Variants in RYR2 observed in about 807,000 individuals in gnomAD.
RYR2 encodes ryanodine receptor 2.
RYR2 carries 227 observed loss-of-function variants against 601.1 expected under a neutral mutation model. That is an observed-to-expected ratio of 0.38 (90% confidence interval 0.34 to 0.42). The LOEUF is 0.42. Among genes scored for constraint, RYR2 ranks in the 10% least tolerant of loss-of-function variants. RYR2 has a pLI of 1.00. For synonymous variants in RYR2, 2,223 were observed against 2,175.1 expected (o/e 1.02, Z -0.61); for missense variants, 4,646 against 6,156.5 (o/e 0.75, Z 8.21).
At chr1:237,285,094 C>T (rs1691400467) in intron 2 of RYR2, among the ~76,000 whole-genome samples, 1 of 152,082 alleles carries the variant, frequency 6.6e-6, no homozygotes, top group Non-Finnish European at 1.5e-5. Flanking sequence ...AGGTGGGCAT[C>T]CCTGTCTTGT....
chr1:237,726,766 A>G (rs1302547603), intron 75 of RYR2, among the ~76,000 whole-genome samples: 1 of 152,128 alleles, frequency 6.6e-6, no homozygotes, highest in Non-Finnish European at 1.5e-5. Flanking sequence ...AAATGATTTT[A>G]TATGGAATGA....
At chr1:237,157,889 A>G (rs1026521243) in intron 1 of RYR2, among the ~76,000 whole-genome samples, 10 of 152,220 alleles carry the variant, frequency 6.6e-5, no homozygotes. Flanking sequence ...GAAGATTTGG[A>G]ATGTGCCCAA....
chr1:237,509,885 AG>A (rs1442516965), intron 23 of RYR2, among the ~76,000 whole-genome samples: 1 of 152,218 alleles, frequency 6.6e-6, no homozygotes, highest in Non-Finnish European at 1.5e-5. Flanking sequence ...TGTAAAAGCG[AG>A]GAGGCAGAAG....
chr1:237,792,368 T>TGTGTGCGCGCGC lies in RYR2; in HGVS notation c.13782+50_13782+51insCGCGCGCGTGTG, dbSNP rs765876813. On this transcript the variant is annotated intron_variant, in intron 94 of 104. Transcript: ENST00000366574. ...AGGTACCTGTGTGTGTGTGTGTGTG[T>TGTGTGCGCGCGC]GTGTGTGTGTGTGCGTGTGTGTGTG... The TGTGTGCGCGCGC allele has an allele frequency of 9.4e-5, 87 of 928,540 alleles. No individual in the cohort carries two copies. The South Asian group carries it at 1.1e-3, about 12-fold the overall frequency. 57.5% of individuals were successfully genotyped at this position (928,540 alleles called of 1,614,324 possible).
At chr1:237,064,627 A>G (rs892851869) in intron 1 of RYR2, among the ~76,000 whole-genome samples, 3 of 151,834 alleles carry the variant, frequency 2.0e-5, no homozygotes, top group African/African-American at 7.3e-5. Flanking sequence ...CAGGCACATC[A>G]TTGTCATCTC....
intron 12 of RYR2, among the ~76,000 whole-genome samples, chr1:237,424,659 A>G (rs970432588): frequency 6.6e-6 from 1 of 152,238 alleles, no homozygotes; most frequent in African/African-American, 2.4e-5. Context: ...TCTATATGTT[A>G]GGTAAAATCT....
intron 38 of RYR2, among the ~76,000 whole-genome samples, chr1:237,622,431 C>G (rs1679171929): frequency 6.6e-6 from 1 of 152,122 alleles, no homozygotes; most frequent in Admixed American, 6.5e-5. Flanking sequence ...TTATTTCATG[C>G]ACAAAATTAT....
Position 237,493,068 on chromosome 1 carries a change from C to T in RYR2, c.1942C>T (p.Leu648Phe), listed in dbSNP as rs1663592875. The change falls in exon 19 of 105, where the codon CTT becomes TTT. Residue 648 changes from leucine (L) to phenylalanine (F), a missense_variant. This residue lies in a region of RYR2 where 1,807 missense variants were observed against 2,088.1 expected (regional missense o/e 0.87). Transcript: ENST00000366574. ...PGRDLLLQTR[L>F]VNHVSSMRPN... ...AAGAGACTTGTTATTGCAGACACGT[C>T]TTGTGAACCATGTCAGCAGGTAAAT... is the stretch of plus-strand genomic sequence containing the variant. The T allele has an allele frequency of 6.2e-7, 1 of 1,613,650 alleles. No homozygotes were observed. Among genetic ancestry groups the T allele is most frequent in the Non-Finnish European group, 8.5e-7 (1 of 1,179,784 alleles).
intron 79 of RYR2, among the ~76,000 whole-genome samples, chr1:237,735,630 GA>G (rs1306855969): frequency 6.6e-6 from 1 of 152,120 alleles, no homozygotes; most frequent in Non-Finnish European, 1.5e-5. Flanking sequence ...ATTCATGGGG[GA>G]TTGGTCCCAG....
chr1:237,550,678 A>G lies in RYR2; in HGVS notation c.3201A>G (p.Pro1067=). 6.4e-7 allele frequency: 1 copy of G among 1,553,914 alleles called. No individual in the cohort carries two copies. The highest frequency in any genetic ancestry group is 8.7e-7 in the Non-Finnish European group (1 of 1,149,108). ...GGTACGGCTACAACTTGGAAGCACC[A>G]GATCAAGATCATGGTATTTTGGTTT... is the stretch of plus-strand genomic sequence containing the variant. ...LLGYGYNLEA[P]DQDHAARAEV... The change falls in exon 27 of 105, where the codon CCA becomes CCG. Residue 1067 remains proline (P), a synonymous_variant. Transcript: ENST00000366574.
At chr1:237,276,648 T>A (rs947234382) in intron 2 of RYR2, among the ~76,000 whole-genome samples, 1 of 152,112 alleles carries the variant, frequency 6.6e-6, no homozygotes, top group African/African-American at 2.4e-5. Context: ...ACATATGAGT[T>A]GGAAGGGGAT....
chr1:237,667,302 T>A (rs1460009312), intron 57 of RYR2, among the ~76,000 whole-genome samples: 1 of 152,228 alleles, frequency 6.6e-6, no homozygotes, highest in Non-Finnish European at 1.5e-5. Context: ...TTACATATTG[T>A]TAAATTGTTT....
chr1:237,436,606 C>T (rs540492541), intron 12 of RYR2, among the ~76,000 whole-genome samples: 21 of 150,308 alleles, frequency 1.4e-4, no homozygotes, highest in Admixed American at 1.0e-3. Context: ...CAGTGCGGCA[C>T]CATAAAGGAG....
chr1:237,105,478 C>T (rs1235718969), intron 1 of RYR2, among the ~76,000 whole-genome samples: 2 of 152,084 alleles, frequency 1.3e-5, no homozygotes, highest in East Asian at 3.9e-4. Flanking sequence ...GGGCAGGTCA[C>T]TTGAAGTCAG....
At chr1:237,417,596 A>G (rs1705144537) in intron 11 of RYR2, among the ~76,000 whole-genome samples, 1 of 152,206 alleles carries the variant, frequency 6.6e-6, no homozygotes, top group African/African-American at 2.4e-5. Context: ...GGAAGTCACT[A>G]TATTTACTTA....
At chr1:237,764,656 A>G (rs890594743) in intron 84 of RYR2, among the ~76,000 whole-genome samples, 2 of 151,890 alleles carry the variant, frequency 1.3e-5, no homozygotes, top group Non-Finnish European at 2.9e-5. Flanking sequence ...CATCTTGGCC[A>G]GGCTGGTCTT....
chr1:237,812,229 T>C (rs766208708), intron 100 of RYR2, among the ~76,000 whole-genome samples: 35 of 152,220 alleles, frequency 2.3e-4, no homozygotes, highest in Non-Finnish European at 4.7e-4. Context: ...TAAGTTACAC[T>C]ACCTCACAGA....
At chr1:237,735,023 C>T (rs947125276) in intron 79 of RYR2, among the ~76,000 whole-genome samples, 1 of 152,042 alleles carries the variant, frequency 6.6e-6, no homozygotes, top group Non-Finnish European at 1.5e-5. Flanking sequence ...AGGAAAGGAG[C>T]TCATAAAAAA....
chr1:237,709,321 A>G (rs2149068697), intron 69 of RYR2, among the ~76,000 whole-genome samples, 159 bp from the exon 70 acceptor site: 1 of 152,258 alleles, frequency 6.6e-6, no homozygotes, highest in South Asian at 2.1e-4. Context: ...ACAGTTTGAC[A>G]GTTATGATGT....
Sources: allele counts gnomAD v4.1 joint callset (sites outside exome capture counted in the v4.1 genomes callset), GRCh38; gene constraint gnomAD v4.1.1; regional missense constraint gnomAD v4.1.1; transcripts MANE v1.5; gene names NCBI Gene and HGNC (gene_info 2026-07-23, HGNC 2026-07-21).